C3orf20: variants seen among roughly 807,000 people sequenced by gnomAD.
C3orf20 encodes the protein uncharacterized protein C3orf20.
C3orf20 carries 76 observed loss-of-function variants against 88.3 expected under a neutral mutation model. The ratio of observed to expected loss-of-function variants is 0.86; its 90% CI spans 0.72 to 1.04. C3orf20 has a LOEUF of 1.04. C3orf20 is among the 50% of genes least tolerant of loss of function. The probability of loss-of-function intolerance (pLI) is 0.00; values close to 1 mark genes in which losing one functional copy is unlikely to be tolerated. For synonymous variants in C3orf20, 436 were observed against 437.4 expected (o/e 1.00, Z 0.04); for missense variants, 1,056 against 1,123.3 (o/e 0.94, Z 0.86).
intron 1 of C3orf20, among the ~76,000 whole-genome samples, chr3:14,681,309 C>T (rs535284520): frequency 6.6e-6 from 1 of 152,228 alleles, no homozygotes; most frequent in South Asian, 2.1e-4. Context: ...TGGGGTGGCT[C>T]CAGAGGGTTT....
In C3orf20 at chr3:14,772,307, G is replaced by C. The variant is rs1008079286; in HGVS notation, c.2630+106G>C. ...TACCCCCAGGCGTGGCCTGGGTCAT[G>C]TCCAACCATCGCTGACATCTAGCCC... is the stretch of plus-strand genomic sequence containing the variant. On this transcript the variant is annotated intron_variant, in intron 16 of 16. Coordinates refer to ENST00000253697, the MANE Select transcript of C3orf20 (RefSeq NM_032137.5). The surrounding 1 kb of genome is among the most constrained non-coding windows in gnomAD (Gnocchi z 4.2). The C allele has an allele frequency of 1.4e-6, 2 of 1,419,288 alleles. No homozygotes were observed. Among genetic ancestry groups the C allele is most frequent in the East Asian group, 4.6e-5 (2 of 43,480 alleles). 87.9% of individuals were successfully genotyped at this position (1,419,288 alleles called of 1,614,324 possible). A position where few individuals can be genotyped will look rare whatever the true frequency, so the allele number is the denominator to read the frequency against.
chr3:14,731,081 C>T (rs780050706), intron 12 of C3orf20, among the ~76,000 whole-genome samples: 1 of 152,116 alleles, frequency 6.6e-6, no homozygotes, highest in Non-Finnish European at 1.5e-5. Flanking sequence ...AGATGCAGGA[C>T]GATTCCATCA....
At position 14,703,164 on chromosome 3, in the gene C3orf20, G is replaced by A. The variant is rs758248068; in HGVS notation, c.780G>A (p.Pro260=). The A allele has an allele frequency of 8.1e-6, 13 of 1,614,048 alleles. No homozygotes were observed. Among genetic ancestry groups the A allele is most frequent in the South Asian group, 5.5e-5 (5 of 91,088 alleles). The part of the protein sequence containing the change: ...KSRTTEDVSM[P]PLHRGVGTPA... ...GAACTACAGAAGATGTCAGCATGCC[G>A]CCCCTGCATCGAGGAGTGGGAACCC... Residue 260 remains proline, a synonymous_variant, in exon 6 of 17, where the codon CCG becomes CCA. Coordinates refer to ENST00000253697, the MANE Select transcript of C3orf20 (RefSeq NM_032137.5).
At chr3:14,744,117 C>T (rs1164252157) in intron 12 of C3orf20, among the ~76,000 whole-genome samples, 1 of 152,006 alleles carries the variant, frequency 6.6e-6, no homozygotes, top group Non-Finnish European at 1.5e-5. Context: ...ATTTTCCAAA[C>T]TTTATGCTCT....
At chr3:14,735,972 A>G (rs1012660517) in intron 12 of C3orf20, among the ~76,000 whole-genome samples, 1 of 152,210 alleles carries the variant, frequency 6.6e-6, no homozygotes, top group Non-Finnish European at 1.5e-5. Flanking sequence ...TATTTTACAC[A>G]TAAGACTATT....
intron 12 of C3orf20, among the ~76,000 whole-genome samples, chr3:14,743,772 G>A (rs189755067): frequency 1.4e-4 from 22 of 152,110 alleles, no homozygotes; most frequent in Admixed American, 1.4e-3. Context: ...AGCTGCCAAG[G>A]TTTGGGGCTT....
At chr3:14,679,051 A>T (rs546783260) in intron 1 of C3orf20, among the ~76,000 whole-genome samples, 1 of 152,198 alleles carries the variant, frequency 6.6e-6, no homozygotes, top group Admixed American at 6.5e-5. Flanking sequence ...CAATGTCACC[A>T]TCTCTTTGTA....
At chr3:14,757,952 T>C (rs989985056) in intron 13 of C3orf20, among the ~76,000 whole-genome samples, 6 of 152,218 alleles carry the variant, frequency 3.9e-5, no homozygotes, top group African/African-American at 1.4e-4. Context: ...ATCAGGGCAC[T>C]GTCCTTTCCT....
chr3:14,712,064 G>T (rs1313481457), intron 7 of C3orf20, among the ~76,000 whole-genome samples: 1 of 151,958 alleles, frequency 6.6e-6, no homozygotes, highest in Non-Finnish European at 1.5e-5. Flanking sequence ...TGGAAATAGG[G>T]GCTCTGAAGA....
At chr3:14,771,249 C>T (rs1482785071) in intron 15 of C3orf20, among the ~76,000 whole-genome samples, 1 of 152,232 alleles carries the variant, frequency 6.6e-6, no homozygotes, top group African/African-American at 2.4e-5. Flanking sequence ...TCCTTGATGA[C>T]GGGCTTCCCA....
chr3:14,678,132 GC>G, intron 1 of C3orf20, among the ~76,000 whole-genome samples: 1 of 152,280 alleles, frequency 6.6e-6, no homozygotes, highest in East Asian at 1.9e-4. Context: ...CAAGAGCTGT[GC>G]CCATCGCCTG....
At chr3:14,721,043 T>C (rs1350828811) in intron 9 of C3orf20, among the ~76,000 whole-genome samples, 1 of 152,154 alleles carries the variant, frequency 6.6e-6, no homozygotes, top group African/African-American at 2.4e-5. Flanking sequence ...GAAATCCCAC[T>C]CTTTTGGAAG....
intron 14 of C3orf20, 46 bp from the exon 15 acceptor site, chr3:14,761,427 G>A (rs749846421): frequency 5.0e-6 from 8 of 1,612,266 alleles, no homozygotes; most frequent in Admixed American, 1.7e-5. Context: ...GGACACTGCT[G>A]TGCTGATGTG....
At chr3:14,770,885 T>A in intron 15 of C3orf20, among the ~76,000 whole-genome samples, 1 of 152,198 alleles carries the variant, frequency 6.6e-6, no homozygotes, top group East Asian at 1.9e-4. Context: ...CTGCTGTGAA[T>A]CTCAGAAACA....
At chr3:14,686,022 C>T (rs971202744) in intron 4 of C3orf20, among the ~76,000 whole-genome samples, 1 of 152,008 alleles carries the variant, frequency 6.6e-6, no homozygotes, top group South Asian at 2.1e-4. Context: ...CCACAATGCT[C>T]GGCTCATTTT....
intron 1 of C3orf20, among the ~76,000 whole-genome samples, chr3:14,676,626 C>A (rs2031786353): frequency 6.6e-6 from 1 of 152,114 alleles, no homozygotes; most frequent in Non-Finnish European, 1.5e-5. Context: ...GACACTCCTC[C>A]CCCCCATTTT....
Position 14,690,103 on chromosome 3 carries a change from CAAG to C in C3orf20, c.738_740del (p.Lys247del). Reference sequence around the variant, plus strand: ...TTTCTCTCTCTGCTGGAAAAGAAGCCAAGAAGAAAATAGGTAAAAATGGTTCCT... The same window carrying C: ...TTTCTCTCTCTGCTGGAAAAGAAGCCAAGAAAATAGGTAAAAATGGTTCCT... On this transcript the variant is annotated inframe_deletion, in exon 5 of 17. Transcript: ENST00000253697. 1.9e-6 allele frequency: 3 copies of C among 1,614,090 alleles called. No individual in the cohort carries two copies. In the East Asian group the frequency reaches 6.7e-5, roughly 36 times the overall value.
intron 9 of C3orf20, 21 bp downstream of exon 9, chr3:14,715,430 T>C (rs755116625): frequency 1.2e-6 from 2 of 1,604,630 alleles, no homozygotes; most frequent in South Asian, 2.2e-5. Flanking sequence ...GCAGCACAGG[T>C]TGGGTGGCAG....
At chr3:14,706,224 G>A (rs752435779) in intron 7 of C3orf20, among the ~76,000 whole-genome samples, 2 of 152,022 alleles carry the variant, frequency 1.3e-5, no homozygotes, top group African/African-American at 2.4e-5. Flanking sequence ...TTCTCAGACC[G>A]TATATGAATC....
Sources: allele counts gnomAD v4.1 joint callset (sites outside exome capture counted in the v4.1 genomes callset), GRCh38; gene constraint gnomAD v4.1.1; non-coding constraint Gnocchi (gnomAD v3.1); transcripts MANE v1.5; gene names NCBI Gene and HGNC (gene_info 2026-07-23, HGNC 2026-07-21).